The following ZDHHC14 variants were observed in gnomAD, a reference collection of about 807,000 sequenced individuals.
ZDHHC14 encodes palmitoyltransferase ZDHHC14.
Under a neutral mutation model 47.7 loss-of-function variants are expected in ZDHHC14, and 16 were observed. That is an observed-to-expected ratio of 0.34 (90% CI 0.23 to 0.51). ZDHHC14 has a LOEUF of 0.51. Ranked by LOEUF, ZDHHC14 falls within the 20% of genes least tolerant of loss-of-function variation. ZDHHC14 has a pLI of 0.97. For synonymous variants in ZDHHC14, 293 were observed against 278.9 expected, an observed-to-expected ratio of 1.05 and a Z score of -0.50; for missense variants, 515 against 662.5, an observed-to-expected ratio of 0.78 and a Z score of 2.44.
chr6:157,560,988 T>C (rs1782685236), intron 2 of ZDHHC14, among the ~76,000 whole-genome samples: 1 of 152,204 alleles, frequency 6.6e-6, no homozygotes, highest in Non-Finnish European at 1.5e-5. Flanking sequence ...AATGAGTTGT[T>C]TGGAATGGAA....
chr6:157,551,225 T>C (rs1204479926), intron 2 of ZDHHC14, among the ~76,000 whole-genome samples: 6 of 152,208 alleles, frequency 3.9e-5, no homozygotes, highest in Non-Finnish European at 7.3e-5. Flanking sequence ...CCTCCCTTCC[T>C]CCTGGGGTGC....
intron 3 of ZDHHC14, among the ~76,000 whole-genome samples, chr6:157,624,871 TA>T (rs765198366): frequency 6.6e-6 from 1 of 152,154 alleles, no homozygotes; most frequent in Non-Finnish European, 1.5e-5. Flanking sequence ...ACAGACCGGG[TA>T]ACTTATAAAG....
Position 157,393,093 on chromosome 6 carries a change from G to A in ZDHHC14, c.245+10827G>A, listed in dbSNP as rs544506308. 6.6e-5 allele frequency among the ~76,000 whole-genome samples: 10 copies of A among 152,146 alleles called. No individual in the cohort carries two copies. The South Asian group carries it at 1.7e-3, about 25-fold the overall frequency. ...AGGGTTTCTCCATGTTGGTCAGGCTGGTCTTGAACTCCCACCCTCAGGTGA... is the reference window on the plus strand; with the variant it reads ...AGGGTTTCTCCATGTTGGTCAGGCTAGTCTTGAACTCCCACCCTCAGGTGA... On this transcript the variant is annotated intron_variant, in intron 1 of 8. Coordinates refer to ENST00000359775, the MANE Select transcript of ZDHHC14 (RefSeq NM_024630.3).
intron 1 of ZDHHC14, among the ~76,000 whole-genome samples, chr6:157,481,485 T>C (rs1779629235): frequency 2.0e-5 from 3 of 152,206 alleles, no homozygotes; most frequent in African/African-American, 7.2e-5. Flanking sequence ...TCTCCTGCAC[T>C]CCCACCGACC....
At chr6:157,628,866 T>A (rs1285797252) in intron 4 of ZDHHC14, among the ~76,000 whole-genome samples, 3 of 152,204 alleles carry the variant, frequency 2.0e-5, no homozygotes, top group Non-Finnish European at 4.4e-5. Context: ...CAAAGGACAA[T>A]GTGCTGCAGT....
chr6:157,553,341 GC>G (rs896113716), intron 2 of ZDHHC14, among the ~76,000 whole-genome samples: 1 of 152,102 alleles, frequency 6.6e-6, no homozygotes, highest in Non-Finnish European at 1.5e-5. Flanking sequence ...AGACATAGAA[GC>G]CCCCAAATCA....
chr6:157,419,797 A>G lies in ZDHHC14; in HGVS notation c.245+37531A>G, dbSNP rs554442705. Among the ~76,000 whole-genome samples, 16 of 152,308 alleles carry G rather than the reference A, an allele frequency of 1.1e-4. No individual in the cohort carries two copies. In the South Asian group the frequency reaches 3.3e-3, roughly 32 times the overall value. On this transcript the variant is annotated intron_variant, in intron 1 of 8. Coordinates refer to ENST00000359775, the MANE Select transcript of ZDHHC14 (RefSeq NM_024630.3). ...CTGGGTAGGTTTGTGTGTGGACATA[A>G]GTTTTCAGGGGACGTGATTGCTGGA... is the stretch of plus-strand genomic sequence containing the variant.
At chr6:157,532,530 G>A (rs1005265699) in intron 1 of ZDHHC14, among the ~76,000 whole-genome samples, 3 of 152,174 alleles carry the variant, frequency 2.0e-5, no homozygotes, top group African/African-American at 7.2e-5. Context: ...GATCTCCAGG[G>A]GGCTTGCTGG....
intron 5 of ZDHHC14, among the ~76,000 whole-genome samples, chr6:157,638,214 G>A (rs1777077579): frequency 6.6e-6 from 1 of 152,192 alleles, no homozygotes; most frequent in Admixed American, 6.5e-5. Flanking sequence ...CAGGGGTGAG[G>A]GATAGGGCAG....
chr6:157,473,631 C>A (rs958211321), intron 1 of ZDHHC14, among the ~76,000 whole-genome samples: 3 of 152,100 alleles, frequency 2.0e-5, no homozygotes, highest in Non-Finnish European at 4.4e-5. Context: ...CATTCCTAAT[C>A]CAAAAACCCC....
chr6:157,399,113 A>T (rs1434488001), intron 1 of ZDHHC14, among the ~76,000 whole-genome samples: 1 of 152,174 alleles, frequency 6.6e-6, no homozygotes, highest in African/African-American at 2.4e-5. Flanking sequence ...GGGTGGATAA[A>T]AGCACCCCTT....
chr6:157,568,522 C>G (rs1298889330), intron 2 of ZDHHC14, among the ~76,000 whole-genome samples: 4 of 151,972 alleles, frequency 2.6e-5, no homozygotes, highest in African/African-American at 9.7e-5. Context: ...ACTGTATGAT[C>G]ACATCATCAT....
chr6:157,490,157 G>A (rs1449452585), intron 1 of ZDHHC14, among the ~76,000 whole-genome samples: 2 of 152,176 alleles, frequency 1.3e-5, no homozygotes, highest in Non-Finnish European at 2.9e-5. Flanking sequence ...CTGGTTGGGC[G>A]AGGGGGGAAC....
At position 157,645,811 on chromosome 6, in the gene ZDHHC14, T is replaced by C; in HGVS notation, c.827T>C (p.Ile276Thr). The change falls in exon 6 of 9, where the codon ATC becomes ACC. Residue 276 changes from isoleucine to threonine, a missense_variant. Ile to Thr is a moderately conservative substitution (Grantham distance 89). Transcript: ENST00000359775. ...CTCTCAGGATTCCACACCTACTTGA[T>C]CAGCTCCAACCAGACAACAAATGAG... The part of the protein sequence containing the change: ...VGLSGFHTYL[I>T]SSNQTTNEDI... 3.1e-6 allele frequency: 5 copies of C among 1,614,102 alleles called. No individual in the cohort carries two copies. Among genetic ancestry groups the C allele is most frequent in the Non-Finnish European group, 4.2e-6 (5 of 1,180,008 alleles).
In ZDHHC14 at chr6:157,677,592, C is replaced by T. The variant is rs1778990183; in HGVS notation, c.*4470C>T. On this transcript the variant is annotated 3_prime_UTR_variant, in exon 9 of 9. Coordinates refer to ENST00000359775, the MANE Select transcript of ZDHHC14 (RefSeq NM_024630.3). ...GCCACAACTGGAGTTATTTTTTGAT[C>T]TCATAAACCCCAGGAATTACACACA... is the stretch of plus-strand genomic sequence containing the variant. 6.6e-6 allele frequency: 1 copy of T among 152,102 alleles called. No individual in the cohort carries two copies. Among genetic ancestry groups the T allele is most frequent in the Non-Finnish European group, 1.5e-5 (1 of 68,000 alleles). 9.4% of individuals were successfully genotyped at this position (152,102 alleles called of 1,614,324 possible). A position where few individuals can be genotyped will look rare whatever the true frequency, so the allele number is the denominator to read the frequency against.
chr6:157,434,770 A>G (rs1778407132), intron 1 of ZDHHC14, among the ~76,000 whole-genome samples: 1 of 152,182 alleles, frequency 6.6e-6, no homozygotes, highest in Non-Finnish European at 1.5e-5. Context: ...AGGCTGCGCC[A>G]GTGCCCTCCT....
intron 1 of ZDHHC14, among the ~76,000 whole-genome samples, chr6:157,512,049 C>T (rs1780509910): frequency 6.6e-6 from 1 of 152,154 alleles, no homozygotes; most frequent in African/African-American, 2.4e-5. Context: ...AAGAGCCTAC[C>T]TGGAGGAGGA....
intron 1 of ZDHHC14, among the ~76,000 whole-genome samples, chr6:157,493,406 C>T (rs543373311): frequency 5.3e-5 from 8 of 152,350 alleles, no homozygotes; most frequent in African/African-American, 1.9e-4. Context: ...TTGGTGAGGG[C>T]TCTGCAGAGG....
chr6:157,545,639 A>G (rs1781941750), intron 2 of ZDHHC14, among the ~76,000 whole-genome samples: 1 of 152,014 alleles, frequency 6.6e-6, no homozygotes. Flanking sequence ...ACGCCACTGC[A>G]CACCAGCCTG....
Sources: allele counts gnomAD v4.1 joint callset (sites outside exome capture counted in the v4.1 genomes callset), GRCh38; gene constraint gnomAD v4.1.1; transcripts MANE v1.5; gene names NCBI Gene and HGNC (gene_info 2026-07-23, HGNC 2026-07-21).